FBXL17: variants seen among roughly 807,000 people sequenced by gnomAD.
The protein encoded by FBXL17 is F-box/LRR-repeat protein 17.
A neutral mutation model predicts 66.2 loss-of-function variants in FBXL17; 22 were observed. The ratio of observed to expected loss-of-function variants is 0.33; its 90% confidence interval spans 0.24 to 0.47. The LOEUF is 0.47. Among genes scored for constraint, FBXL17 ranks in the 20% least tolerant of loss-of-function variants. The probability of loss-of-function intolerance (pLI) is 1.00; values close to 1 mark genes in which losing one functional copy is unlikely to be tolerated. For missense variants in FBXL17, 878 were observed against 948.2 expected (o/e 0.93, Z 0.97); for synonymous variants, 474 against 400.5 (o/e 1.18, Z -2.19).
intron 6 of FBXL17, among the ~76,000 whole-genome samples, chr5:108,022,694 C>G (rs1172816557): frequency 3.9e-5 from 6 of 152,102 alleles, no homozygotes; most frequent in African/African-American, 1.4e-4. Context: ...TCCTATTTAT[C>G]TTCCTTGTAC....
intron 6 of FBXL17, among the ~76,000 whole-genome samples, chr5:108,183,965 G>T (rs537738186): frequency 1.3e-5 from 2 of 152,256 alleles, no homozygotes; most frequent in East Asian, 3.9e-4. Context: ...TTCTAGAGGA[G>T]TACATTTTTC....
chr5:108,306,688 C>T (rs1454599786), intron 4 of FBXL17, among the ~76,000 whole-genome samples: 3 of 152,014 alleles, frequency 2.0e-5, no homozygotes, highest in Non-Finnish European at 4.4e-5. Flanking sequence ...AGTATTCTAT[C>T]ATCTTCAGTA....
In FBXL17 at chr5:107,871,057, C is replaced by CAAAA. The variant is rs201752049; in HGVS notation, c.1966-9201_1966-9198dup. Among the ~76,000 whole-genome samples the CAAAA allele has an allele frequency of 6.1e-4, 40 of 65,860 alleles. 2 individuals are homozygous for CAAAA. The highest frequency in any genetic ancestry group is 1.4e-3 in the South Asian group (3 of 2,086). The allele number at this position is 65,860 out of a possible 152,430, so 43.2% of individuals were successfully genotyped here. ...GGTAAGAAATATTACTCTTGGGCGGCAAAAAAAAAAAAAAAAAAAAAACCT... is the reference window on the plus strand; with the variant it reads ...GGTAAGAAATATTACTCTTGGGCGGCAAAAAAAAAAAAAAAAAAAAAAAAAACCT... On this transcript the variant is annotated intron_variant, in intron 8 of 8. Transcript: ENST00000542267.
intron 7 of FBXL17, among the ~76,000 whole-genome samples, chr5:107,940,065 T>G (rs1751041521): frequency 6.6e-6 from 1 of 152,170 alleles, no homozygotes; most frequent in Non-Finnish European, 1.5e-5. Context: ...CACAAGCCTC[T>G]GAAGTAGGCC....
In FBXL17 at chr5:108,364,821, T is replaced by A. The variant is rs568048211; in HGVS notation, c.1291A>T (p.Ile431Phe). Residue 431 changes from isoleucine (I) to phenylalanine (F), a missense_variant, in exon 3 of 9, where the codon ATT becomes TTT. Physicochemically the swap from Ile to Phe is conservative, Grantham distance 21. Coordinates refer to ENST00000542267, the MANE Select transcript of FBXL17 (RefSeq NM_001163315.3). ...RCKQLSDTSI[I>F]AVASHCPLLQ... ...AAAGGACAGTGAGAGGCAACCGCAA[T>A]AATAGAGGTGTCAGAAAGCTGTTTA... is the stretch of plus-strand genomic sequence containing the variant. The A allele has an allele frequency of 2.7e-5, 44 of 1,612,960 alleles. 1 individual carries two copies. In the South Asian group the frequency reaches 3.8e-4, roughly 14 times the overall value.
rs1750973957 is a variant in FBXL17, at chr5:107,938,236, A to G, written c.1823-57057T>C. Reference sequence around the variant, plus strand: ...CGGATGAGTGTTAGAAATGCTTTAAAGAACCCAGTGAAGTACTGTTCAAAA... The same window carrying G: ...CGGATGAGTGTTAGAAATGCTTTAAGGAACCCAGTGAAGTACTGTTCAAAA... On this transcript the variant is annotated intron_variant, in intron 7 of 8. Transcript: ENST00000542267. 5.3e-5 allele frequency among the ~76,000 whole-genome samples: 8 copies of G among 152,212 alleles called. No individual in the cohort carries two copies. In the South Asian group the frequency reaches 1.7e-3, roughly 32 times the overall value.
chr5:108,158,507 GTC>G (rs1187281499), intron 6 of FBXL17, among the ~76,000 whole-genome samples: 3 of 100,624 alleles, frequency 3.0e-5, no homozygotes, highest in Admixed American at 1.1e-4. Context: ...GTGTGTGTGT[GTC>G]TGTGTGTGTG....
At chr5:108,095,746 T>C (rs574555787) in intron 6 of FBXL17, among the ~76,000 whole-genome samples, 157 of 152,288 alleles carry the variant, frequency 1.0e-3, no homozygotes, top group African/African-American at 3.7e-3. Flanking sequence ...ACTAATATGA[T>C]GATAAATGGC....
intron 6 of FBXL17, among the ~76,000 whole-genome samples, chr5:108,123,899 C>G (rs978122152): frequency 6.6e-6 from 1 of 151,988 alleles, no homozygotes; most frequent in Non-Finnish European, 1.5e-5. Context: ...ATTTTAATTC[C>G]CACGGAACCT....
intron 5 of FBXL17, among the ~76,000 whole-genome samples, chr5:108,190,860 A>G (rs1406593226): frequency 6.6e-6 from 1 of 152,160 alleles, no homozygotes; most frequent in Non-Finnish European, 1.5e-5. Context: ...CACACCCAAA[A>G]AGTTTTTATC....
At chr5:107,998,023 G>C (rs1273339310) in intron 7 of FBXL17, among the ~76,000 whole-genome samples, 1 of 152,114 alleles carries the variant, frequency 6.6e-6, no homozygotes, top group Non-Finnish European at 1.5e-5. Flanking sequence ...CTGAGCACGG[G>C]AAACATAGAT....
At chr5:108,215,605 C>T (rs2150066184) in intron 5 of FBXL17, among the ~76,000 whole-genome samples, 1 of 152,308 alleles carries the variant, frequency 6.6e-6, no homozygotes, top group Non-Finnish European at 1.5e-5. Context: ...TTTATATATT[C>T]AAGACACTTA....
chr5:108,156,805 G>T (rs956316093), intron 6 of FBXL17, among the ~76,000 whole-genome samples: 2 of 151,756 alleles, frequency 1.3e-5, no homozygotes, highest in Non-Finnish European at 3.0e-5. Context: ...AATTAAACTC[G>T]TGCTCTAATC....
chr5:107,906,299 T>C lies in FBXL17; in HGVS notation c.1823-25120A>G, dbSNP rs564946814. ...CCAGTATTTATTACTTTAAGCTTCA[T>C]ATACTAATGCTTAATTGATAAAAAC... On this transcript the variant is annotated intron_variant, in intron 7 of 8. Transcript: ENST00000542267. Among the ~76,000 whole-genome samples, 24 of 152,260 alleles carry C rather than the reference T, an allele frequency of 1.6e-4. No homozygotes were observed. In the South Asian group the frequency reaches 4.8e-3, roughly 30 times the overall value.
In FBXL17 at chr5:108,364,742, T is replaced by C. The variant is rs748603942; in HGVS notation, c.1370A>G (p.Lys457Arg). 6.2e-7 allele frequency: 1 copy of C among 1,605,644 alleles called. No individual in the cohort carries two copies. Residue 457 changes from lysine to arginine, a missense_variant, in exon 3 of 9, where the codon AAG becomes AGG. Transcript: ENST00000542267. ...TTTATAAATGCTAAAATTTACCTGCTTGAGTCCTTCATCAGTGAGTTTGTC... is the reference window on the plus strand; with the variant it reads ...TTTATAAATGCTAAAATTTACCTGCCTGAGTCCTTCATCAGTGAGTTTGTC... The part of the protein sequence containing the change: ...NQDKLTDEGL[K>R]QLGSKCRELK...
chr5:108,025,011 T>C (rs1179035450), intron 6 of FBXL17, among the ~76,000 whole-genome samples: 1 of 152,172 alleles, frequency 6.6e-6, no homozygotes, highest in Admixed American at 6.6e-5. Flanking sequence ...CCTTGAATTA[T>C]GGAAAACAAT....
At chr5:108,118,342 C>T (rs1357308565) in intron 6 of FBXL17, among the ~76,000 whole-genome samples, 3 of 152,144 alleles carry the variant, frequency 2.0e-5, no homozygotes, top group African/African-American at 7.2e-5. Flanking sequence ...CATTCTTTTC[C>T]ATCCAAAAGT....
chr5:108,252,539 A>G (rs1756401606), intron 4 of FBXL17, among the ~76,000 whole-genome samples: 1 of 152,182 alleles, frequency 6.6e-6, no homozygotes, highest in African/African-American at 2.4e-5. Context: ...AACAAACAAA[A>G]TGACTAAAAT....
chr5:108,103,311 G>T (rs40067), intron 6 of FBXL17, among the ~76,000 whole-genome samples: 1 of 151,980 alleles, frequency 6.6e-6, no homozygotes, highest in Non-Finnish European at 1.5e-5. Context: ...TGCAGCTTAC[G>T]GTTTTAAGCT....
Sources: allele counts gnomAD v4.1 joint callset (sites outside exome capture counted in the v4.1 genomes callset), GRCh38; gene constraint gnomAD v4.1.1; transcripts MANE v1.5; gene names NCBI Gene and HGNC (gene_info 2026-07-23, HGNC 2026-07-21).